The following PITPNC1 variants were observed in gnomAD, a reference collection of about 807,000 sequenced individuals.
PITPNC1 encodes phosphatidylinositol transfer protein cytoplasmic 1, also known as cytoplasmic phosphatidylinositol transfer protein 1.
PITPNC1 carries 18 observed loss-of-function variants against 44.7 expected under a neutral mutation model. The observed-to-expected ratio is 0.40, with a 90% CI of 0.28 to 0.60. PITPNC1 has a LOEUF of 0.60. Among genes scored for constraint, PITPNC1 ranks in the 20% least tolerant of loss-of-function variants. The pLI is 0.39. For missense variants in PITPNC1, 290 were observed against 418.4 expected, an observed-to-expected ratio of 0.69 and a Z score of 2.68; for synonymous variants, 141 against 149.6, an observed-to-expected ratio of 0.94 and a Z score of 0.42.
intron 1 of PITPNC1, among the ~76,000 whole-genome samples, chr17:67,441,519 G>A (rs2039012585): frequency 6.6e-6 from 1 of 152,150 alleles, no homozygotes; most frequent in Non-Finnish European, 1.5e-5. Flanking sequence ...GTTAATACTT[G>A]GAACAGAAAA....
chr17:67,445,957 T>G lies in PITPNC1; in HGVS notation c.48+67755T>G, dbSNP rs571184682. 9.9e-5 allele frequency among the ~76,000 whole-genome samples: 15 copies of G among 151,550 alleles called. 1 individual carries two copies. The highest frequency in any genetic ancestry group is 2.9e-4 in the African/African-American group (12 of 41,364). On this transcript the variant is annotated intron_variant, in intron 1 of 8. Coordinates refer to ENST00000581322, the MANE Select transcript of PITPNC1 (RefSeq NM_012417.4). ...GCTGTTTTTTTTGTATTTTTTTTGG[T>G]TTTTTTTGAGACAGAATCTCACTCT...
chr17:67,562,885 T>A (rs993328647), intron 4 of PITPNC1, among the ~76,000 whole-genome samples: 1 of 152,206 alleles, frequency 6.6e-6, no homozygotes, highest in Non-Finnish European at 1.5e-5. Context: ...GAGATAAAAA[T>A]TTTTTAATGA....
At chr17:67,406,433 A>C (rs943188533) in intron 1 of PITPNC1, among the ~76,000 whole-genome samples, 7 of 152,128 alleles carry the variant, frequency 4.6e-5, no homozygotes, top group African/African-American at 2.4e-5. Context: ...GGATTTGCCT[A>C]TTCTGGACAT....
At chr17:67,677,199 ATGGTTTCCT>A (rs2042618944) in intron 8 of PITPNC1, among the ~76,000 whole-genome samples, 1 of 152,162 alleles carries the variant, frequency 6.6e-6, no homozygotes, top group Non-Finnish European at 1.5e-5. Flanking sequence ...CTCAGAGCTC[ATGGTTTCCT>A]TGCTACCAAC....
intron 1 of PITPNC1, among the ~76,000 whole-genome samples, chr17:67,516,961 C>T (rs934772453): frequency 6.7e-6 from 1 of 149,768 alleles, no homozygotes; most frequent in Non-Finnish European, 1.5e-5. Context: ...ATGTGGCACC[C>T]CCCACCAACA....
At position 67,672,601 on chromosome 17, in the gene PITPNC1, A is replaced by AAAT. The variant is rs55925253; in HGVS notation, c.619-2850_619-2848dup. 9.9e-4 allele frequency among the ~76,000 whole-genome samples: 147 copies of AAAT among 148,350 alleles called. 1 individual carries two copies. Among genetic ancestry groups the AAAT allele is most frequent in the Middle Eastern group, 7.1e-3 (2 of 282 alleles). ...GGGACAGAGCAAGACTCTGTCTCCA[A>AAAT]AATAATAATAATAATAATAATAATA... On this transcript the variant is annotated intron_variant, in intron 7 of 8. Coordinates refer to ENST00000581322, the MANE Select transcript of PITPNC1 (RefSeq NM_012417.4).
intron 8 of PITPNC1, among the ~76,000 whole-genome samples, chr17:67,684,161 G>A (rs985774653): frequency 1.4e-4 from 20 of 143,520 alleles, no homozygotes; most frequent in Non-Finnish European, 2.5e-4. Flanking sequence ...GCCCAGGCTG[G>A]AGTGCAGTGA....
chr17:67,583,587 CAA>C (rs34025821), intron 5 of PITPNC1, among the ~76,000 whole-genome samples: 3,445 of 119,256 alleles, frequency 0.029, 226 homozygotes, highest in East Asian at 0.27. Context: ...GACTCCTTCT[CAA>C]AAAAAAAAAA....
rs762095874 is a variant in PITPNC1, at chr17:67,378,243, C to T, written c.48+41C>T. The T allele has an allele frequency of 7.5e-5, 104 of 1,388,272 alleles. 1 individual carries two copies. The African/African-American group carries it at 1.5e-3, about 20-fold the overall frequency. The allele number at this position is 1,388,272 out of a possible 1,614,324, so 86.0% of individuals were successfully genotyped here. On this transcript the variant is annotated intron_variant, in intron 1 of 8. Transcript: ENST00000581322. ...GGCCCGGCCTCGCCCGCTCCGGGAC[C>T]CCCGCCGCTACCGCCGCCTCCTGGC...
chr17:67,437,399 C>T (rs899262587), intron 1 of PITPNC1, among the ~76,000 whole-genome samples: 4 of 152,016 alleles, frequency 2.6e-5, no homozygotes, highest in Admixed American at 6.6e-5. Flanking sequence ...GTTGCAGCCA[C>T]GAGCCAGGGA....
intron 1 of PITPNC1, among the ~76,000 whole-genome samples, chr17:67,497,187 A>G (rs2039963207): frequency 1.3e-5 from 2 of 152,086 alleles, no homozygotes; most frequent in Admixed American, 6.5e-5. Context: ...TTGTTTTTAC[A>G]TAAGTAGTCA....
At chr17:67,647,469 T>TTTTG (rs2042163467) in intron 6 of PITPNC1, among the ~76,000 whole-genome samples, 1 of 93,140 alleles carries the variant, frequency 1.1e-5, no homozygotes, top group African/African-American at 6.0e-5. Flanking sequence ...TTTGGGTTTT[T>TTTTG]TTTTTTTTTT....
At chr17:67,423,961 T>G (rs941275045) in intron 1 of PITPNC1, among the ~76,000 whole-genome samples, 3 of 151,974 alleles carry the variant, frequency 2.0e-5, no homozygotes, top group Non-Finnish European at 2.9e-5. Context: ...TCTCTGAAAT[T>G]GGTTTAACAC....
intron 1 of PITPNC1, among the ~76,000 whole-genome samples, chr17:67,447,019 G>A (rs553604432): frequency 7.8e-4 from 115 of 148,262 alleles, no homozygotes; most frequent in African/African-American, 2.7e-3. Context: ...GAACCCAGGA[G>A]GTGGAGGTTG....
chr17:67,446,710 T>A (rs780602115), intron 1 of PITPNC1, among the ~76,000 whole-genome samples: 2 of 151,782 alleles, frequency 1.3e-5, no homozygotes, highest in African/African-American at 4.8e-5. Flanking sequence ...TCTGGGTCCA[T>A]TGAATGGTGG....
At chr17:67,453,313 A>AC (rs1272895327) in intron 1 of PITPNC1, among the ~76,000 whole-genome samples, 1 of 152,178 alleles carries the variant, frequency 6.6e-6, no homozygotes, top group Non-Finnish European at 1.5e-5. Flanking sequence ...ACTAAGTTTT[A>AC]CTTTTTTTTC....
At position 67,652,754 on chromosome 17, in the gene PITPNC1, G is replaced by A. The variant is rs1327312825; in HGVS notation, c.463-16754G>A. On this transcript the variant is annotated intron_variant, in intron 6 of 8. Coordinates refer to ENST00000581322, the MANE Select transcript of PITPNC1 (RefSeq NM_012417.4). ...AGCCAGATGCCACTACTGGGGTTCGGTGCTCCGTGACCACATGAGTGAGCT... is the reference window on the plus strand; with the variant it reads ...AGCCAGATGCCACTACTGGGGTTCGATGCTCCGTGACCACATGAGTGAGCT... 2.0e-5 allele frequency among the ~76,000 whole-genome samples: 3 copies of A among 152,214 alleles called. No individual in the cohort carries two copies. In the East Asian group the frequency reaches 5.8e-4, roughly 29 times the overall value.
Position 67,428,599 on chromosome 17 carries a change from C to T in PITPNC1, c.48+50397C>T, listed in dbSNP as rs143183205. Among the ~76,000 whole-genome samples the T allele has an allele frequency of 2.3e-3, 340 of 150,996 alleles. 2 individuals are homozygous for T. The highest frequency in any genetic ancestry group is 7.4e-3 in the African/African-American group (305 of 41,212). ...GCCTAGCAATACAAATAGTGACCTG[C>T]GGGTAATGAGATTATAGATGATTTT... On this transcript the variant is annotated intron_variant, in intron 1 of 8. Coordinates refer to ENST00000581322, the MANE Select transcript of PITPNC1 (RefSeq NM_012417.4).
At chr17:67,679,137 C>CA (rs1231051589) in intron 8 of PITPNC1, among the ~76,000 whole-genome samples, 1 of 152,216 alleles carries the variant, frequency 6.6e-6, no homozygotes, top group Non-Finnish European at 1.5e-5. Context: ...CAGACTGGGA[C>CA]ATTGGGTTGT....
Sources: gnomAD v4.1 joint callset for allele counts (sites outside exome capture counted in the v4.1 genomes callset) on GRCh38, gnomAD v4.1.1 for gene constraint, MANE v1.5 for transcripts, NCBI Gene and HGNC (gene_info 2026-07-23, HGNC 2026-07-21) for gene names.